Variants in LCMT1 observed in about 807,000 individuals in gnomAD.
LCMT1 encodes [Phosphatase 2A protein]-leucine-carboxy methyltransferase 1.
A neutral mutation model predicts 47.7 loss-of-function variants in LCMT1; 32 were observed. The ratio of observed to expected loss-of-function variants is 0.67; its 90% CI spans 0.51 to 0.90. The LOEUF (loss-of-function observed/expected upper bound fraction) is 0.90, where lower values mean the gene tolerates loss of function less well. Among genes scored for constraint, LCMT1 ranks in the 40% least tolerant of loss-of-function variants. The pLI, the probability that LCMT1 is intolerant of heterozygous loss-of-function variation, is 0.00. For synonymous variants in LCMT1, 152 were observed against 149.7 expected (o/e 1.02, Z -0.11); for missense variants, 375 against 415.2 (o/e 0.90, Z 0.84).
intron 9 of LCMT1, among the ~76,000 whole-genome samples, chr16:25,174,059 G>A (rs1016597097): frequency 6.6e-6 from 1 of 152,014 alleles, no homozygotes; most frequent in African/African-American, 2.4e-5. Flanking sequence ...CTACAGGTGG[G>A]CACCACCATG....
At chr16:25,116,110 A>G (rs1211288968) in intron 1 of LCMT1, among the ~76,000 whole-genome samples, 1 of 152,220 alleles carries the variant, frequency 6.6e-6, no homozygotes, top group African/African-American at 2.4e-5. Context: ...GACTCACACT[A>G]TGAGGAGCTG....
Position 25,169,220 on chromosome 16 carries a change from G to T in LCMT1, c.792+7G>T. On this transcript the variant is annotated splice_region_variant and intron_variant, in intron 8 of 10. Coordinates refer to ENST00000399069, the MANE Select transcript of LCMT1 (RefSeq NM_016309.3). ...CAAGTCATTAGAGTCACAGGTCAGA[G>T]AGCAGGGACTGGGATATCCATTTGG... 1 of 1,573,248 alleles carries T rather than the reference G, an allele frequency of 6.4e-7. No individual in the cohort carries two copies. Among genetic ancestry groups the T allele is most frequent in the South Asian group, 1.1e-5 (1 of 90,212 alleles).
chr16:25,158,854 T>A (rs1282889999), intron 5 of LCMT1: 2 of 152,208 alleles, frequency 1.3e-5, no homozygotes, highest in Non-Finnish European at 2.9e-5. Flanking sequence ...ACTCAAGTCA[T>A]CAAATTCTAT....
chr16:25,130,418 G>A (rs963170614), intron 2 of LCMT1, among the ~76,000 whole-genome samples: 1 of 151,976 alleles, frequency 6.6e-6, no homozygotes, highest in Non-Finnish European at 1.5e-5. Flanking sequence ...TTGGGAGGCC[G>A]AGGCAGGTTG....
Position 25,111,911 on chromosome 16 carries a change from A to C in LCMT1, c.28A>C (p.Ile10Leu), listed in dbSNP as rs779481696. The C allele has an allele frequency of 6.2e-7, 1 of 1,613,310 alleles. No homozygotes were observed. Among genetic ancestry groups the C allele is most frequent in the Non-Finnish European group, 8.5e-7 (1 of 1,179,578 alleles). MATRQRESSITSCCSTSSCD... is the reference protein window; with the variant it reads MATRQRESSLTSCCSTSSCD... ...GGCCACTAGGCAGAGGGAATCCTCT[A>C]TCACCTCCTGCTGTTCCACCTCGAG... The change falls in exon 1 of 11, where the codon ATC becomes CTC. Residue 10 changes from isoleucine (I) to leucine (L), a missense_variant. By Grantham distance (5) the Ile-to-Leu change is conservative (BLOSUM62 2). Coordinates refer to ENST00000399069, the MANE Select transcript of LCMT1 (RefSeq NM_016309.3).
In LCMT1 at chr16:25,161,134, G is replaced by A. The variant is rs372670026; in HGVS notation, c.499G>A (p.Val167Ile). Residue 167 changes from valine to isoleucine, a missense_variant, in exon 6 of 11, where the codon GTT becomes ATT. By Grantham distance (29) the Val-to-Ile change is conservative. Transcript: ENST00000399069. Reference sequence around the variant, plus strand: ...CATACTGGATTCAAAGAGATATGCCGTTATTGGAGCAGATCTCCGAGACCT... The same window carrying A: ...CATACTGGATTCAAAGAGATATGCCATTATTGGAGCAGATCTCCGAGACCT... ...GHILDSKRYA[V>I]IGADLRDLSE... The A allele has an allele frequency of 1.3e-4, 210 of 1,610,128 alleles. No individual in the cohort carries two copies. The highest frequency in any genetic ancestry group is 2.3e-4 in the African/African-American group (17 of 74,780).
At chr16:25,156,157 A>G (rs1050634613) in intron 5 of LCMT1, among the ~76,000 whole-genome samples, 2 of 151,940 alleles carry the variant, frequency 1.3e-5, no homozygotes, top group East Asian at 3.9e-4. Flanking sequence ...CTCCCTGACT[A>G]CGAGGTTAAA....
chr16:25,139,881 C>G lies in LCMT1; in HGVS notation c.328-290C>G, dbSNP rs540328966. On this transcript the variant is annotated intron_variant, in intron 3 of 10. Coordinates refer to ENST00000399069, the MANE Select transcript of LCMT1 (RefSeq NM_016309.3). ...AGTATATTCTACTTCCAAAGCACCT[C>G]TCAGCTCCTCCCCATCATCCCAGCT... 6.6e-5 allele frequency among the ~76,000 whole-genome samples: 10 copies of G among 152,300 alleles called. No individual in the cohort carries two copies. In the South Asian group the frequency reaches 1.2e-3, roughly 19 times the overall value.
Position 25,140,245 on chromosome 16 carries a change from C to G in LCMT1, c.402C>G (p.Ile134Met). The G allele has an allele frequency of 6.3e-7, 1 of 1,593,472 alleles. No homozygotes were observed. Among genetic ancestry groups the G allele is most frequent in the Non-Finnish European group, 8.6e-7 (1 of 1,168,538 alleles). ...PMIVTRKLHS[I>M]KCKPPLSSPI... ...TTGTCACGAGAAAGCTGCACAGTAT[C>G]AAGTAAGTGTGGCATGGCCAGAAGA... Residue 134 changes from isoleucine (I) to methionine (M), a missense_variant and splice_region_variant, in exon 4 of 11, where the codon ATC (isoleucine) becomes ATG (methionine). Physicochemically the swap from Ile to Met is conservative, Grantham distance 10. Transcript: ENST00000399069.
intron 3 of LCMT1, among the ~76,000 whole-genome samples, chr16:25,138,207 G>A (rs1291887423): frequency 6.6e-6 from 1 of 152,206 alleles, no homozygotes; most frequent in Non-Finnish European, 1.5e-5. Flanking sequence ...GCTATAGAGT[G>A]CCTTGTTTCT....
intron 7 of LCMT1, among the ~76,000 whole-genome samples, chr16:25,167,179 C>T (rs1296624297): frequency 2.0e-5 from 3 of 152,168 alleles, no homozygotes; most frequent in African/African-American, 7.2e-5. Flanking sequence ...GTTCTGCTCC[C>T]ACCCACCACC....
chr16:25,162,103 TAGCAG>T, intron 6 of LCMT1, among the ~76,000 whole-genome samples: 1 of 152,214 alleles, frequency 6.6e-6, no homozygotes, highest in African/African-American at 2.4e-5. Flanking sequence ...GTACCATACA[TAGCAG>T]TTCCACTTTC....
chr16:25,121,857 C>T (rs551828417), intron 1 of LCMT1, among the ~76,000 whole-genome samples: 3 of 152,284 alleles, frequency 2.0e-5, no homozygotes, highest in Admixed American at 2.0e-4. Flanking sequence ...AGGACACAGC[C>T]AAACCATATC....
intron 4 of LCMT1, chr16:25,144,980 C>T (rs1050245095): frequency 5.3e-5 from 8 of 152,336 alleles, no homozygotes; most frequent in South Asian, 4.1e-4. Context: ...CATTTCTTCT[C>T]CCAGTACAAG....
chr16:25,140,007 A>G (rs747965976), intron 3 of LCMT1, 164 bp from the exon 4 acceptor site: 8 of 601,180 alleles, frequency 1.3e-5, no homozygotes, highest in Non-Finnish European at 2.4e-5. Context: ...TGCTTCCCTC[A>G]AATCTATTCT....
At chr16:25,136,654 A>T (rs964547295) in intron 3 of LCMT1, among the ~76,000 whole-genome samples, 1 of 151,964 alleles carries the variant, frequency 6.6e-6, no homozygotes, top group African/African-American at 2.4e-5. Context: ...GGTTCAAGCG[A>T]TTCTCCTGCC....
chr16:25,118,267 A>T (rs968761107), intron 1 of LCMT1, among the ~76,000 whole-genome samples: 11 of 151,088 alleles, frequency 7.3e-5, no homozygotes, highest in Admixed American at 1.3e-4. Flanking sequence ...CTCCCCCGTC[A>T]CCGCCATCCT....
chr16:25,126,606 G>A (rs1960199695), intron 1 of LCMT1, among the ~76,000 whole-genome samples: 1 of 152,172 alleles, frequency 6.6e-6, no homozygotes, highest in African/African-American at 2.4e-5. Context: ...CCTAGCACTT[G>A]GCAGACACCC....
chr16:25,161,616 A>G (rs960448823), intron 6 of LCMT1, among the ~76,000 whole-genome samples: 1 of 152,124 alleles, frequency 6.6e-6, no homozygotes, highest in African/African-American at 2.4e-5. Context: ...TGGCCTCCCA[A>G]AGTGCTGGGT....
Sources: gnomAD v4.1 joint callset for allele counts (sites outside exome capture counted in the v4.1 genomes callset) on GRCh38, gnomAD v4.1.1 for gene constraint, MANE v1.5 for transcripts, NCBI Gene and HGNC (gene_info 2026-07-23, HGNC 2026-07-21) for gene names.